Variants in SNX2 observed in about 807,000 individuals in gnomAD.
SNX2 encodes the protein sorting nexin 2, also known as sorting nexin-2.
A neutral mutation model predicts 69.9 loss-of-function variants in SNX2; 25 were observed. The ratio of observed to expected loss-of-function variants is 0.36; its 90% CI spans 0.26 to 0.50. The LOEUF (loss-of-function observed/expected upper bound fraction) is 0.50. SNX2 is among the 20% of genes least tolerant of loss of function. The pLI, the probability that SNX2 is intolerant of heterozygous loss-of-function variation, is 0.97. For synonymous variants in SNX2, 229 were observed against 200.4 expected (o/e 1.14, Z -1.20); for missense variants, 551 against 613.3 (o/e 0.90, Z 1.07).
chr5:122,818,579 C>T (rs1009303960), intron 10 of SNX2, among the ~76,000 whole-genome samples: 2 of 152,174 alleles, frequency 1.3e-5, no homozygotes, highest in Admixed American at 6.5e-5. Context: ...ATGATTTAAA[C>T]ATAGTTCATC....
At chr5:122,800,869 T>G (rs1753491111) in intron 3 of SNX2, among the ~76,000 whole-genome samples, 1 of 152,210 alleles carries the variant, frequency 6.6e-6, no homozygotes, top group African/African-American at 2.4e-5. Flanking sequence ...CTCTGAACTT[T>G]GTGCTTGAGA....
At chr5:122,817,223 C>T in intron 9 of SNX2, 57 bp from the exon 10 acceptor site, 1 of 1,519,036 alleles carries the variant, frequency 6.6e-7, no homozygotes, top group Non-Finnish European at 9.1e-7. Context: ...TATTGGTAAC[C>T]TAATTTACAA....
chr5:122,806,599 T>TTTTATTTA (rs140249573), intron 6 of SNX2, among the ~76,000 whole-genome samples: 47 of 150,592 alleles, frequency 3.1e-4, no homozygotes, highest in East Asian at 2.6e-3. Flanking sequence ...TTGTTTGGGG[T>TTTTATTTA]TTTATTTATT....
intron 1 of SNX2, among the ~76,000 whole-genome samples, chr5:122,779,801 G>A (rs979292968): frequency 4.8e-4 from 73 of 152,186 alleles, no homozygotes; most frequent in African/African-American, 1.4e-3. Flanking sequence ...ATAGGTAAAT[G>A]TGTGCCATGG....
chr5:122,805,253 T>C (rs1403260099), intron 6 of SNX2, among the ~76,000 whole-genome samples: 1 of 146,622 alleles, frequency 6.8e-6, no homozygotes, highest in Non-Finnish European at 1.5e-5. Context: ...ATTGTGCCAT[T>C]GCACTCCAGG....
chr5:122,803,413 TA>T, intron 5 of SNX2, 58 bp from the exon 6 acceptor site: 1 of 1,509,438 alleles, frequency 6.6e-7, no homozygotes, highest in Non-Finnish European at 9.0e-7. Context: ...TGTATAACAT[TA>T]ACTTGTGGAA....
At chr5:122,776,196 CTTGT>C (rs1751089660) in intron 1 of SNX2, among the ~76,000 whole-genome samples, 1 of 152,102 alleles carries the variant, frequency 6.6e-6, no homozygotes, top group South Asian at 2.1e-4. Flanking sequence ...GCTTTCTTGG[CTTGT>C]TTAACTCTGC....
chr5:122,787,272 C>T (rs1434868599), intron 1 of SNX2, among the ~76,000 whole-genome samples: 2 of 152,198 alleles, frequency 1.3e-5, no homozygotes, highest in Admixed American at 1.3e-4. Flanking sequence ...GTAATCCTAG[C>T]ACTTTGGGAG....
intron 6 of SNX2, among the ~76,000 whole-genome samples, chr5:122,807,501 T>C (rs1256681017): frequency 6.6e-6 from 1 of 152,226 alleles, no homozygotes; most frequent in Non-Finnish European, 1.5e-5. Flanking sequence ...ATGCAGTAGA[T>C]GATTTTTTTG....
rs573603342 is a variant in SNX2 at position 122,779,962 on chromosome 5, TA to T, written c.108+4754del. Among the ~76,000 whole-genome samples the T allele has an allele frequency of 1.7e-3, 264 of 152,266 alleles. 5 individuals carry two copies. The highest frequency in any genetic ancestry group is 4.1e-4 in the Non-Finnish European group (28 of 68,022). ...TTTAAACAGTCTGAGGTTAAAGGCC[TA>T]AAGAAAGAAAGTGCAAATAATAAAG... On this transcript the variant is annotated intron_variant, in intron 1 of 14. Coordinates refer to ENST00000379516, the MANE Select transcript of SNX2 (RefSeq NM_003100.4).
At chr5:122,817,520 AT>A in intron 10 of SNX2, 147 bp downstream of exon 10, 1 of 563,582 alleles carries the variant, frequency 1.8e-6, no homozygotes. Flanking sequence ...CAACTTTATT[AT>A]GTAAATTTTT....
chr5:122,798,367 C>T (rs779928116), intron 2 of SNX2, among the ~76,000 whole-genome samples: 6 of 152,038 alleles, frequency 3.9e-5, no homozygotes, highest in Admixed American at 6.6e-5. Context: ...TGATCATTTT[C>T]GCTTTTAATA....
rs1390804700 is a variant in SNX2 at position 122,815,911 on chromosome 5, A to G, written c.738A>G (p.Thr246=). The change falls in exon 8 of 15, where the codon ACA becomes ACG. Residue 246 remains threonine, a synonymous_variant. Transcript: ENST00000379516. ...TTAAATCTAGGTATCTTCAAAGAAC[A>G]GTAAAACATCCAACTTTACTACAGG... ...RAALERYLQR[T]VKHPTLLQDP... 3 of 1,601,616 alleles carry G rather than the reference A, an allele frequency of 1.9e-6. No individual in the cohort carries two copies. The highest frequency in any genetic ancestry group is 8.5e-7 in the Non-Finnish European group (1 of 1,172,036).
intron 6 of SNX2, among the ~76,000 whole-genome samples, chr5:122,805,042 G>A (rs10069688): frequency 0.4 from 60,337 of 151,506 alleles, 12,579 homozygotes; most frequent in African/African-American, 0.49. Context: ...CTGTAATCTC[G>A]GCACTTTGGG....
At chr5:122,777,414 A>G (rs186655638) in intron 1 of SNX2, among the ~76,000 whole-genome samples, 1 of 152,360 alleles carries the variant, frequency 6.6e-6, no homozygotes, top group East Asian at 1.9e-4. Flanking sequence ...TGATTCTGAT[A>G]TAGATCATCA....
At chr5:122,820,213 CA>C (rs1399690759) in intron 11 of SNX2, among the ~76,000 whole-genome samples, 2 of 151,988 alleles carry the variant, frequency 1.3e-5, no homozygotes, top group Non-Finnish European at 2.9e-5. Flanking sequence ...ACCCGTGGGT[CA>C]AAAAAGGGGA....
At chr5:122,789,742 A>G (rs112425485) in intron 1 of SNX2, among the ~76,000 whole-genome samples, 2 of 152,230 alleles carry the variant, frequency 1.3e-5, no homozygotes, top group Non-Finnish European at 2.9e-5. Flanking sequence ...CTCTGTCTCT[A>G]TACCATTGCA....
intron 7 of SNX2, among the ~76,000 whole-genome samples, chr5:122,810,643 A>G (rs1381299606): frequency 6.6e-6 from 1 of 152,184 alleles, no homozygotes; most frequent in Non-Finnish European, 1.5e-5. Flanking sequence ...ATTGCATAGT[A>G]CTTACCATAC....
At position 122,811,492 on chromosome 5, in the gene SNX2, TTC is replaced by T. The variant is rs563296862; in HGVS notation, c.722+3139_722+3140del. Among the ~76,000 whole-genome samples, 543 of 152,310 alleles carry T rather than the reference TTC, an allele frequency of 3.6e-3. 1 individual carries two copies. Among genetic ancestry groups the T allele is most frequent in the African/African-American group, 0.013 (521 of 41,562 alleles). On this transcript the variant is annotated intron_variant, in intron 7 of 14. Coordinates refer to ENST00000379516, the MANE Select transcript of SNX2 (RefSeq NM_003100.4). ...GAAACCTGTGCTAATACTACACACT[TTC>T]TGTGTGACCTTAGGTAAATTACTTA...
Sources: gnomAD v4.1 joint callset for allele counts (sites outside exome capture counted in the v4.1 genomes callset) on GRCh38, gnomAD v4.1.1 for gene constraint, MANE v1.5 for transcripts, NCBI Gene and HGNC (gene_info 2026-07-23, HGNC 2026-07-21) for gene names.